The following ARHGAP35 variants were observed in gnomAD, a reference collection of about 807,000 sequenced individuals.
ARHGAP35 encodes rho GTPase-activating protein 35.
Under a neutral mutation model 111.1 loss-of-function variants are expected in ARHGAP35, and 15 were observed. The observed-to-expected ratio is 0.13, with a 90% confidence interval of 0.09 to 0.21. The LOEUF is 0.21. ARHGAP35 is among the 10% of genes least tolerant of loss of function. ARHGAP35 has a pLI of 1.00. For missense variants in ARHGAP35, 1,262 were observed against 1,873.0 expected, an observed-to-expected ratio of 0.67 and a Z score of 6.02; for synonymous variants, 643 against 710.3, an observed-to-expected ratio of 0.91 and a Z score of 1.51.
intron 2 of ARHGAP35, among the ~76,000 whole-genome samples, chr19:46,924,700 G>T (rs2056228627): frequency 6.6e-6 from 1 of 152,128 alleles, no homozygotes. Flanking sequence ...CAAACATTTT[G>T]AACATTTCTT....
intron 1 of ARHGAP35, among the ~76,000 whole-genome samples, chr19:46,897,218 A>G (rs886786641): frequency 1.3e-5 from 2 of 152,062 alleles, no homozygotes; most frequent in Non-Finnish European, 2.9e-5. Flanking sequence ...TTGTCAAAGG[A>G]AGTATGAAAA....
chr19:46,976,210 CTT>C (rs772367746), intron 3 of ARHGAP35, among the ~76,000 whole-genome samples: 4,048 of 118,590 alleles, frequency 0.034, 96 homozygotes, highest in East Asian at 0.17. Context: ...AAGCTTTCTC[CTT>C]TTTTTTTTTT....
chr19:46,881,902 G>A (rs540824648), intron 1 of ARHGAP35, among the ~76,000 whole-genome samples: 5 of 152,264 alleles, frequency 3.3e-5, no homozygotes, highest in East Asian at 1.9e-4. Context: ...CAGCTTCTCC[G>A]TCAGCACTTG....
chr19:46,949,589 C>T (rs1226949033), intron 3 of ARHGAP35, among the ~76,000 whole-genome samples: 1 of 152,196 alleles, frequency 6.6e-6, no homozygotes, highest in Non-Finnish European at 1.5e-5. Context: ...ACCGTGAACT[C>T]GTTTTCCACT....
chr19:46,931,942 C>A (rs2056275342), intron 2 of ARHGAP35, among the ~76,000 whole-genome samples: 1 of 152,186 alleles, frequency 6.6e-6, no homozygotes, highest in African/African-American at 2.4e-5. Flanking sequence ...CATGCCCAGC[C>A]ACTCCTAGGG....
At chr19:46,977,731 A>T (rs2122308767) in intron 3 of ARHGAP35, among the ~76,000 whole-genome samples, 1 of 152,326 alleles carries the variant, frequency 6.6e-6, no homozygotes, top group Non-Finnish European at 1.5e-5. Context: ...GTGATTGATT[A>T]AACACAGACT....
chr19:46,871,444 G>A (rs1169363621), intron 1 of ARHGAP35, among the ~76,000 whole-genome samples: 10 of 152,096 alleles, frequency 6.6e-5, no homozygotes, highest in African/African-American at 2.2e-4. Context: ...CCAGGTTAAA[G>A]CAGTTCTCCT....
rs574337716 is a variant in ARHGAP35, at chr19:46,867,758, TTTG to T, written c.-189+6567_-189+6569del. Among the ~76,000 whole-genome samples, 1,257 of 152,110 alleles carry T rather than the reference TTTG, an allele frequency of 8.3e-3. 15 individuals are homozygous for T. Among genetic ancestry groups the T allele is most frequent in the African/African-American group, 0.026 (1,073 of 41,500 alleles). On this transcript the variant is annotated intron_variant, in intron 1 of 6. Transcript: ENST00000672722. Reference sequence around the variant, plus strand: ...AGAAGATAAACAGGTGCTAAAGTTTTTTGTTGTTGTTGTTGTTGTTTTTTTTTT... The same window carrying T: ...AGAAGATAAACAGGTGCTAAAGTTTTTTGTTGTTGTTGTTGTTTTTTTTTT...
rs763897284 is a variant in ARHGAP35, at chr19:46,921,248, T to G, written c.2573T>G (p.Phe858Cys). 31 of 1,614,026 alleles carry G rather than the reference T, an allele frequency of 1.9e-5. No individual in the cohort carries two copies. The highest frequency in any genetic ancestry group is 2.5e-5 in the Non-Finnish European group (29 of 1,179,898). Reference protein sequence around the residue: ...KSRLVHGYIVFYSAKRKASLA... With the variant: ...KSRLVHGYIVCYSAKRKASLA... ...CGGTTGGTTCATGGGTACATTGTTT[T>G]TTATTCAGCCAAACGTAAGGCCTCT... Residue 858 changes from phenylalanine (F) to cysteine (C), a missense_variant, in exon 2 of 7, where the codon TTT (phenylalanine) becomes TGT (cysteine). Phe to Cys is a radical substitution (Grantham distance 205). Around this residue, in one of 8 missense-constraint regions of ARHGAP35, gnomAD observed 579 missense variants for 716.9 expected, o/e 0.81. Transcript: ENST00000672722. The surrounding 1 kb of genome is among the most constrained non-coding windows in gnomAD (Gnocchi z 4.3).
In ARHGAP35 at chr19:47,000,918, G is replaced by A. The variant is rs1049938490; in HGVS notation, c.*230G>A. 5.8e-5 allele frequency: 89 copies of A among 1,530,498 alleles called. No homozygotes were observed. Among genetic ancestry groups the A allele is most frequent in the East Asian group, 9.8e-5 (4 of 40,672 alleles). 94.8% of individuals were successfully genotyped at this position (1,530,498 alleles called of 1,614,324 possible). A position where few individuals can be genotyped will look rare whatever the true frequency, so the allele number is the denominator to read the frequency against. ...GCTGGCTTGGACCCATTTGAGGACT[G>A]AACTAGGCAGGCAATGGCTCCAGTG... On this transcript the variant is annotated 3_prime_UTR_variant, in exon 7 of 7. Coordinates refer to ENST00000672722, the MANE Select transcript of ARHGAP35 (RefSeq NM_004491.5). The surrounding 1 kb of genome is among the most constrained non-coding windows in gnomAD (Gnocchi z 6.9).
At chr19:46,903,356 T>G (rs1323026932) in intron 1 of ARHGAP35, among the ~76,000 whole-genome samples, 1 of 152,158 alleles carries the variant, frequency 6.6e-6, no homozygotes, top group East Asian at 1.9e-4. Flanking sequence ...TTGTTGTGCA[T>G]TGATTTTAAG....
In ARHGAP35 at chr19:46,920,892, C is replaced by G. The variant is rs1487044639; in HGVS notation, c.2217C>G (p.Gly739=). The G allele has an allele frequency of 6.8e-6, 11 of 1,613,968 alleles. No individual in the cohort carries two copies. The highest frequency in any genetic ancestry group is 1.3e-5 in the African/African-American group (1 of 75,046). The change falls in exon 2 of 7, where the codon GGC becomes GGG. Residue 739 remains glycine, a synonymous_variant. Transcript: ENST00000672722. This position sits in a 1 kb window ranked among gnomAD's most constrained non-coding sequence, Gnocchi z 7.0. The part of the protein sequence containing the change: ...QCVFLDPASA[G]IGYGRNINEK... ...TCTTTCTCGACCCTGCTTCTGCTGG[C>G]ATTGGTTACGGACGCAACATTAATG...
intron 1 of ARHGAP35, among the ~76,000 whole-genome samples, chr19:46,904,675 C>G (rs1389067092): frequency 6.6e-6 from 1 of 152,164 alleles, no homozygotes; most frequent in Non-Finnish European, 1.5e-5. Context: ...TTGGAGTTGG[C>G]CTTTACATGG....
intron 1 of ARHGAP35, among the ~76,000 whole-genome samples, chr19:46,880,947 C>CT (rs1206653160): frequency 0.045 from 5,072 of 113,704 alleles, 341 homozygotes; most frequent in African/African-American, 0.13. Context: ...AATGAATGTT[C>CT]TTTTTTTTTT....
At chr19:46,984,594 T>G (rs1400263448) in intron 3 of ARHGAP35, among the ~76,000 whole-genome samples, 1 of 152,238 alleles carries the variant, frequency 6.6e-6, no homozygotes, top group African/African-American at 2.4e-5. Flanking sequence ...AAGCAAATGC[T>G]ACCTTTCCTA....
At chr19:46,997,193 C>T (rs1463146101) in intron 5 of ARHGAP35, among the ~76,000 whole-genome samples, 2 of 152,104 alleles carry the variant, frequency 1.3e-5, no homozygotes, top group East Asian at 1.9e-4. Context: ...TGAGGTGGAA[C>T]CCTTAAAATA....
rs374000507 is a variant in ARHGAP35 at position 46,957,119 on chromosome 19, G to A, written c.3826+19711G>A. Among the ~76,000 whole-genome samples the A allele has an allele frequency of 2.0e-5, 3 of 151,712 alleles. No individual in the cohort carries two copies. In the East Asian group the frequency reaches 5.9e-4, roughly 30 times the overall value. On this transcript the variant is annotated intron_variant, in intron 3 of 6. Coordinates refer to ENST00000672722, the MANE Select transcript of ARHGAP35 (RefSeq NM_004491.5). Reference sequence around the variant, plus strand: ...TGGGACTACAGGCACACACCACCACGCCCAACTAATTTTTTGTATTTTTAA... The same window carrying A: ...TGGGACTACAGGCACACACCACCACACCCAACTAATTTTTTGTATTTTTAA...
intron 3 of ARHGAP35, 149 bp from the exon 4 acceptor site, chr19:46,987,840 A>T (rs1247379262): frequency 1.6e-6 from 1 of 642,278 alleles, no homozygotes; most frequent in Non-Finnish European, 2.7e-6. Flanking sequence ...CATCTAGAAA[A>T]ATCAAACGAG....
At chr19:46,923,489 T>C (rs2056218659) in intron 2 of ARHGAP35, among the ~76,000 whole-genome samples, 1 of 152,064 alleles carries the variant, frequency 6.6e-6, no homozygotes, top group Admixed American at 6.5e-5. Context: ...CAGTACTCTG[T>C]CCCCTTGGGT....
Sources: allele counts gnomAD v4.1 joint callset (sites outside exome capture counted in the v4.1 genomes callset), GRCh38; gene constraint gnomAD v4.1.1; regional missense constraint gnomAD v4.1.1; non-coding constraint Gnocchi (gnomAD v3.1); transcripts MANE v1.5; gene names NCBI Gene and HGNC (gene_info 2026-07-23, HGNC 2026-07-21).